The following MDGA2 variants were observed in gnomAD, a reference collection of about 807,000 sequenced individuals.
The protein encoded by MDGA2 is MAM domain containing glycosylphosphatidylinositol anchor 2.
Under a neutral mutation model 117.8 loss-of-function variants are expected in MDGA2, and 40 were observed. The ratio of observed to expected loss-of-function variants is 0.34; its 90% CI spans 0.26 to 0.44. The LOEUF is 0.44. Among genes scored for constraint, MDGA2 ranks in the 20% least tolerant of loss-of-function variants. MDGA2 has a pLI of 1.00. For synonymous variants in MDGA2, 452 were observed against 439.0 expected, an observed-to-expected ratio of 1.03 and a Z score of -0.37; for missense variants, 1,123 against 1,250.6, an observed-to-expected ratio of 0.90 and a Z score of 1.54.
chr14:46,894,452 T>G (rs1025965191), intron 10 of MDGA2, among the ~76,000 whole-genome samples: 7 of 152,136 alleles, frequency 4.6e-5, no homozygotes, highest in Non-Finnish European at 7.4e-5. Context: ...CTAATTATGT[T>G]GAACTCAATT....
At chr14:47,118,822 C>G (rs1881469263) in intron 5 of MDGA2, among the ~76,000 whole-genome samples, 1 of 152,190 alleles carries the variant, frequency 6.6e-6, no homozygotes, top group Non-Finnish European at 1.5e-5. Flanking sequence ...CAGCCTCAAC[C>G]TGGCAGGCTC....
intron 1 of MDGA2, among the ~76,000 whole-genome samples, chr14:47,357,285 A>G (rs1453631498): frequency 6.6e-6 from 1 of 152,232 alleles, no homozygotes; most frequent in Non-Finnish European, 1.5e-5. Flanking sequence ...GACTTGCTGT[A>G]GGGCTGGCTG....
chr14:46,932,373 C>T lies in MDGA2; in HGVS notation c.2090-12213G>A, dbSNP rs190302183. On this transcript the variant is annotated intron_variant, in intron 9 of 16. Transcript: ENST00000399232. Reference sequence around the variant, plus strand: ...ATATTACATTATATAAACTAATTTCCTTTAGATACTTTTTAAATGTTTAGA... The same window carrying T: ...ATATTACATTATATAAACTAATTTCTTTTAGATACTTTTTAAATGTTTAGA... Among the ~76,000 whole-genome samples the T allele has an allele frequency of 1.1e-4, 16 of 151,812 alleles. No individual in the cohort carries two copies. The East Asian group carries it at 2.9e-3, about 28-fold the overall frequency.
intron 1 of MDGA2, among the ~76,000 whole-genome samples, chr14:47,547,856 G>A (rs1895493820): frequency 6.6e-6 from 1 of 152,134 alleles, no homozygotes; most frequent in Admixed American, 6.6e-5. Flanking sequence ...AGGTTTAGAT[G>A]TGGTTGTTAT....
intron 6 of MDGA2, among the ~76,000 whole-genome samples, chr14:47,091,412 T>C (rs554015311): frequency 6.6e-6 from 1 of 152,210 alleles, no homozygotes; most frequent in South Asian, 2.1e-4. Flanking sequence ...CAGGTAGTGA[T>C]GTGATAAGAA....
At chr14:47,563,086 G>T (rs1316990012) in intron 1 of MDGA2, among the ~76,000 whole-genome samples, 2 of 151,890 alleles carry the variant, frequency 1.3e-5, no homozygotes, top group South Asian at 4.2e-4. Context: ...ATTGCATTGT[G>T]GTCTGAAAGC....
intron 3 of MDGA2, among the ~76,000 whole-genome samples, chr14:47,162,676 T>G (rs1363002197): frequency 1.3e-5 from 2 of 152,130 alleles, no homozygotes; most frequent in African/African-American, 2.4e-5. Context: ...TTTCTAAAAT[T>G]TCCGGTATTT....
intron 1 of MDGA2, among the ~76,000 whole-genome samples, chr14:47,378,361 T>C (rs1024600536): frequency 6.6e-6 from 1 of 152,166 alleles, no homozygotes; most frequent in Non-Finnish European, 1.5e-5. Context: ...GGACAGAGAA[T>C]GAATTTGATG....
intron 9 of MDGA2, among the ~76,000 whole-genome samples, chr14:46,938,559 A>AAAAAAAAAAAAAAAAAAG (rs1566535268): frequency 6.7e-6 from 1 of 148,942 alleles, no homozygotes; most frequent in Non-Finnish European, 1.5e-5. Context: ...AAAAAAAAAA[A>AAAAAAAAAAAAAAAAAAG]AGAGACATCA....
intron 1 of MDGA2, among the ~76,000 whole-genome samples, chr14:47,398,543 G>T (rs960879127): frequency 5.3e-5 from 8 of 152,136 alleles, no homozygotes; most frequent in African/African-American, 1.9e-4. Context: ...CTTTATAAAT[G>T]ATAGTTATTG....
At chr14:47,595,119 A>G (rs1046707072) in intron 1 of MDGA2, among the ~76,000 whole-genome samples, 2 of 152,164 alleles carry the variant, frequency 1.3e-5, no homozygotes, top group African/African-American at 4.8e-5. Flanking sequence ...TCCCCGAAAG[A>G]GACTAACAAA....
At chr14:47,564,255 C>G (rs1895874357) in intron 1 of MDGA2, among the ~76,000 whole-genome samples, 1 of 152,100 alleles carries the variant, frequency 6.6e-6, no homozygotes, top group Non-Finnish European at 1.5e-5. Context: ...TGTAGTATTT[C>G]ACATGGGTTC....
At chr14:47,289,270 G>A (rs1206662773) in intron 2 of MDGA2, among the ~76,000 whole-genome samples, 3 of 148,268 alleles carry the variant, frequency 2.0e-5, no homozygotes, top group Non-Finnish European at 3.0e-5. Flanking sequence ...AATAATAGGG[G>A]TGGATATAAC....
At chr14:47,559,925 T>C (rs1041621963) in intron 1 of MDGA2, among the ~76,000 whole-genome samples, 1 of 152,134 alleles carries the variant, frequency 6.6e-6, no homozygotes, top group African/African-American at 2.4e-5. Context: ...TATGCAGTAA[T>C]GGGATTGCTG....
At chr14:47,450,550 T>C (rs1273717148) in intron 1 of MDGA2, among the ~76,000 whole-genome samples, 1 of 152,136 alleles carries the variant, frequency 6.6e-6, no homozygotes, top group East Asian at 1.9e-4. Flanking sequence ...AAAATCTCAA[T>C]GTCAAATGAT....
At chr14:47,022,415 ACAT>A (rs1194373242) in intron 8 of MDGA2, among the ~76,000 whole-genome samples, 4 of 152,314 alleles carry the variant, frequency 2.6e-5, no homozygotes, top group African/African-American at 9.6e-5. Flanking sequence ...TAAATGAAAA[ACAT>A]AACCATATTT....
chr14:46,941,172 T>C (rs968746845), intron 9 of MDGA2, among the ~76,000 whole-genome samples: 1 of 152,224 alleles, frequency 6.6e-6, no homozygotes, highest in Non-Finnish European at 1.5e-5. Flanking sequence ...CTGCCTGCAG[T>C]TGGATCCCGA....
intron 1 of MDGA2, among the ~76,000 whole-genome samples, chr14:47,434,518 G>A (rs929622986): frequency 1.3e-5 from 2 of 152,010 alleles, no homozygotes; most frequent in Non-Finnish European, 2.9e-5. Flanking sequence ...ATTTCTCTGA[G>A]GTCAAAGAAG....
chr14:46,876,405 A>T (rs1170362425), intron 12 of MDGA2, among the ~76,000 whole-genome samples: 1 of 151,610 alleles, frequency 6.6e-6, no homozygotes, highest in Non-Finnish European at 1.5e-5. Context: ...GATAATGATA[A>T]CGCAATGAGC....
Sources: allele counts gnomAD v4.1 joint callset (sites outside exome capture counted in the v4.1 genomes callset), GRCh38; gene constraint gnomAD v4.1.1; transcripts MANE v1.5; gene names NCBI Gene and HGNC (gene_info 2026-07-23, HGNC 2026-07-21).